LNX2: variants seen among roughly 807,000 people sequenced by gnomAD.
LNX2 encodes ligand of numb-protein X 2.
Under a neutral mutation model 66.2 loss-of-function variants are expected in LNX2, and 35 were observed. The ratio of observed to expected loss-of-function variants is 0.53; its 90% CI spans 0.40 to 0.70. LNX2 has a LOEUF of 0.70. LNX2 is among the 30% of genes least tolerant of loss of function. The pLI is 0.00. For synonymous variants in LNX2, 337 were observed against 315.6 expected (o/e 1.07, Z -0.72); for missense variants, 791 against 850.8 (o/e 0.93, Z 0.87).
chr13:27,599,275 G>C (rs748841472), intron 1 of LNX2, among the ~76,000 whole-genome samples: 23 of 152,156 alleles, frequency 1.5e-4, no homozygotes, highest in Admixed American at 5.2e-4. Context: ...ATACAGAAAA[G>C]TTTTAACCAA....
rs143279757 is a variant in LNX2, at chr13:27,574,201, T to C, written c.408-4925A>G. On this transcript the variant is annotated intron_variant, in intron 2 of 9. Coordinates refer to ENST00000316334, the MANE Select transcript of LNX2 (RefSeq NM_153371.4). ...GGCCGGGTGCTTTAATCCCAGCACT[T>C]TGGGACGCCAAGGCGGGTGGATCAC... 3.9e-3 allele frequency among the ~76,000 whole-genome samples: 596 copies of C among 152,308 alleles called. 1 individual carries two copies. Among genetic ancestry groups the C allele is most frequent in the African/African-American group, 0.014 (563 of 41,568 alleles).
chr13:27,587,752 T>C (rs1205848539), intron 1 of LNX2, among the ~76,000 whole-genome samples: 2 of 151,806 alleles, frequency 1.3e-5, no homozygotes, highest in African/African-American at 4.8e-5. Context: ...CCAGGCGCGG[T>C]GGCTCACGCC....
At chr13:27,550,561 A>G in intron 8 of LNX2, 70 bp from the exon 9 acceptor site, 2 of 1,137,460 alleles carry the variant, frequency 1.8e-6, no homozygotes, top group South Asian at 1.5e-5. Flanking sequence ...TTTTGTTATA[A>G]CCCCATACCA....
chr13:27,600,926 G>A (rs964124692), intron 1 of LNX2, among the ~76,000 whole-genome samples: 3 of 152,140 alleles, frequency 2.0e-5, no homozygotes, highest in African/African-American at 7.2e-5. Flanking sequence ...GAATCACAAA[G>A]ACTAAAGTGG....
chr13:27,581,801 T>A lies in LNX2; in HGVS notation c.-98A>T, dbSNP rs547738062. ...TATCTGACTAAAGTCAAGGTGTGTT[T>A]TTCTAGATAAGCAAAACAAACACAT... is the stretch of plus-strand genomic sequence containing the variant. On this transcript the variant is annotated splice_region_variant and 5_prime_UTR_variant, in exon 2 of 10. Coordinates refer to ENST00000316334, the MANE Select transcript of LNX2 (RefSeq NM_153371.4). 14 of 986,152 alleles carry A rather than the reference T, an allele frequency of 1.4e-5. No individual in the cohort carries two copies. The highest frequency in any genetic ancestry group is 1.1e-4 in the Admixed American group (4 of 37,068). 61.1% of individuals were successfully genotyped at this position (986,152 alleles called of 1,614,324 possible).
intron 6 of LNX2, 60 bp downstream of exon 6, chr13:27,559,782 C>G: frequency 1.4e-6 from 2 of 1,420,436 alleles, no homozygotes; most frequent in Non-Finnish European, 9.3e-7. Flanking sequence ...TCATTTAAAT[C>G]TTACCAGCTT....
intron 1 of LNX2, among the ~76,000 whole-genome samples, chr13:27,605,048 C>T (rs1381811276): frequency 1.3e-5 from 2 of 152,060 alleles, no homozygotes; most frequent in Non-Finnish European, 1.5e-5. Flanking sequence ...TTACAAAAGT[C>T]AGGGTAATTA....
At chr13:27,569,315 A>AAAAC (rs754922329) in intron 2 of LNX2, 39 bp from the exon 3 acceptor site, 8 of 1,586,350 alleles carry the variant, frequency 5.0e-6, no homozygotes, top group East Asian at 2.2e-5. Flanking sequence ...GATGATTTTG[A>AAAAC]AAACAAACAA....
intron 1 of LNX2, among the ~76,000 whole-genome samples, chr13:27,605,447 G>T (rs781333279): frequency 6.6e-6 from 1 of 152,086 alleles, no homozygotes; most frequent in Admixed American, 6.6e-5. Flanking sequence ...CTCTTCATTG[G>T]CCAACTATGT....
intron 1 of LNX2, among the ~76,000 whole-genome samples, chr13:27,602,492 C>A (rs1294347881): frequency 6.6e-6 from 1 of 152,082 alleles, no homozygotes; most frequent in Non-Finnish European, 1.5e-5. Context: ...CTTTTGCATA[C>A]AGCTTCTCTT....
intron 1 of LNX2, among the ~76,000 whole-genome samples, chr13:27,618,687 G>C (rs1170877126): frequency 6.6e-6 from 1 of 152,146 alleles, no homozygotes; most frequent in Non-Finnish European, 1.5e-5. Context: ...GCAAGAAAAG[G>C]TGCCAAGTGT....
chr13:27,612,713 C>T (rs779972639), intron 1 of LNX2, among the ~76,000 whole-genome samples: 2 of 152,156 alleles, frequency 1.3e-5, no homozygotes, highest in Non-Finnish European at 2.9e-5. Flanking sequence ...ATCCTCCCAC[C>T]TTAGCCTCCC....
chr13:27,616,971 G>C (rs951246608), intron 1 of LNX2, among the ~76,000 whole-genome samples: 4 of 152,112 alleles, frequency 2.6e-5, no homozygotes, highest in Non-Finnish European at 5.9e-5. Context: ...GGCTGGTCTT[G>C]AACTCCTGAC....
chr13:27,593,466 A>C (rs543779937), intron 1 of LNX2, among the ~76,000 whole-genome samples: 1 of 151,992 alleles, frequency 6.6e-6, no homozygotes, highest in South Asian at 2.1e-4. Context: ...TGAATGTCTA[A>C]CTGCTAAACC....
intron 2 of LNX2, among the ~76,000 whole-genome samples, chr13:27,572,624 C>T (rs563472409): frequency 3.9e-5 from 6 of 152,212 alleles, no homozygotes; most frequent in African/African-American, 1.4e-4. Flanking sequence ...TCCCACTATT[C>T]TGGCTCTCCT....
chr13:27,598,367 T>C (rs1319226483), intron 1 of LNX2, among the ~76,000 whole-genome samples: 2 of 152,034 alleles, frequency 1.3e-5, no homozygotes, highest in Non-Finnish European at 2.9e-5. Flanking sequence ...GGACAGAATA[T>C]TAGGATTTTT....
At chr13:27,587,398 C>T (rs1955499213) in intron 1 of LNX2, among the ~76,000 whole-genome samples, 1 of 152,064 alleles carries the variant, frequency 6.6e-6, no homozygotes, top group South Asian at 2.1e-4. Flanking sequence ...GTAAAAATAG[C>T]CTTTTTAATC....
rs145725352 is a variant in LNX2 at position 27,573,534 on chromosome 13, C to T, written c.408-4258G>A. 1.3e-4 allele frequency among the ~76,000 whole-genome samples: 19 copies of T among 151,850 alleles called. No individual in the cohort carries two copies. In the East Asian group the frequency reaches 3.7e-3, roughly 29 times the overall value. On this transcript the variant is annotated intron_variant, in intron 2 of 9. Coordinates refer to ENST00000316334, the MANE Select transcript of LNX2 (RefSeq NM_153371.4). Reference sequence around the variant, plus strand: ...TAACCAGAATGTTTACAAGGAAGAGCCAGGGAATGACACGTCCACAGAGGT... The same window carrying T: ...TAACCAGAATGTTTACAAGGAAGAGTCAGGGAATGACACGTCCACAGAGGT...
rs1593267971 is a variant in LNX2 at position 27,614,162 on chromosome 13, C to T, written c.-101+6213G>A. Among the ~76,000 whole-genome samples the T allele has an allele frequency of 5.9e-5, 9 of 152,226 alleles. 3 individuals are homozygous for T. The highest frequency in any genetic ancestry group is 5.9e-4 in the Admixed American group (9 of 15,296). The stretch of plus-strand genomic sequence containing the variant: ...TAACAGCTCTTCCCCAAAATTCAAC[C>T]ACCTTTGTAAAGCTAATGAGGGACC... On this transcript the variant is annotated intron_variant, in intron 1 of 9. Coordinates refer to ENST00000316334, the MANE Select transcript of LNX2 (RefSeq NM_153371.4).
Sources: allele counts gnomAD v4.1 joint callset (sites outside exome capture counted in the v4.1 genomes callset), GRCh38; gene constraint gnomAD v4.1.1; transcripts MANE v1.5; gene names NCBI Gene and HGNC (gene_info 2026-07-23, HGNC 2026-07-21).